Variants in CDH7 observed in about 807,000 individuals in gnomAD.
CDH7 encodes the protein cadherin 7.
Under a neutral mutation model 71.8 loss-of-function variants are expected in CDH7, and 25 were observed. The observed-to-expected ratio is 0.35, with a 90% CI of 0.25 to 0.49. CDH7 has a LOEUF of 0.49. Ranked by LOEUF, CDH7 falls within the 20% of genes least tolerant of loss-of-function variation. The pLI is 0.99. For synonymous variants in CDH7, 381 were observed against 363.8 expected (o/e 1.05, Z -0.54); for missense variants, 862 against 974.6 (o/e 0.88, Z 1.54).
At chr18:65,840,787 T>A (rs376850659) in intron 6 of CDH7, among the ~76,000 whole-genome samples, 2 of 152,324 alleles carry the variant, frequency 1.3e-5, no homozygotes, top group East Asian at 3.9e-4. Context: ...TATGTCTTTA[T>A]CAGCAGTGAG....
Position 65,824,888 on chromosome 18 carries a change from G to A in CDH7, c.981+57G>A, listed in dbSNP as rs73966331. 2,467 of 1,245,370 alleles carry A rather than the reference G, an allele frequency of 2.0e-3. 42 individuals are homozygous for A. In the African/African-American group the frequency reaches 0.033, roughly 17 times the overall value. 77.1% of individuals were successfully genotyped at this position (1,245,370 alleles called of 1,614,324 possible). A position where few individuals can be genotyped will look rare whatever the true frequency, so the allele number is the denominator to read the frequency against. ...GATTACTGAGAAGTCCTTTCTGTTT[G>A]ATGGGAGAATGTACTAGACAAACCG... On this transcript the variant is annotated intron_variant, in intron 6 of 11. Transcript: ENST00000397968.
chr18:65,828,607 G>C (rs947036571), intron 6 of CDH7, among the ~76,000 whole-genome samples: 1 of 151,858 alleles, frequency 6.6e-6, no homozygotes, highest in Non-Finnish European at 1.5e-5. Context: ...TCAACAGTAG[G>C]ATATTAGTAG....
intron 11 of CDH7, among the ~76,000 whole-genome samples, chr18:65,868,273 A>G (rs1054830373): frequency 4.6e-5 from 7 of 152,228 alleles, no homozygotes; most frequent in African/African-American, 1.7e-4. Context: ...GCTAGACATC[A>G]GCCTAAGTGC....
intron 2 of CDH7, among the ~76,000 whole-genome samples, chr18:65,775,220 G>A (rs1333935878): frequency 6.6e-6 from 1 of 152,174 alleles, no homozygotes; most frequent in Non-Finnish European, 1.5e-5. Context: ...TAGAGAGGAA[G>A]TTTAGCCTAG....
intron 5 of CDH7, among the ~76,000 whole-genome samples, chr18:65,823,917 T>C (rs903160025): frequency 6.6e-6 from 1 of 151,924 alleles, no homozygotes; most frequent in Non-Finnish European, 1.5e-5. Flanking sequence ...TTCTGAGTGA[T>C]GTAGTTCATG....
At chr18:65,875,748 G>A (rs1041047435) in intron 11 of CDH7, among the ~76,000 whole-genome samples, 22 of 152,046 alleles carry the variant, frequency 1.4e-4, no homozygotes, top group African/African-American at 5.3e-4. Flanking sequence ...ACCAGCCTGG[G>A]CAATATGGTG....
At chr18:65,750,943 G>C (rs1915852641), upstream of CDH7, 1 of 152,264 alleles carries the variant, frequency 6.6e-6, no homozygotes, top group Non-Finnish European at 1.5e-5. Flanking sequence ...CGCGCACCGC[G>C]GAGTGGGCTG....
rs368665577 is a variant in CDH7, at chr18:65,768,527, A to G, written c.210+5475A>G. On this transcript the variant is annotated intron_variant, in intron 2 of 11. Transcript: ENST00000397968. Reference sequence around the variant, plus strand: ...TATATTAGCTGTGTTTTAACATTGTATTTATATTGAGGTTTTAGGTGCAAA... The same window carrying G: ...TATATTAGCTGTGTTTTAACATTGTGTTTATATTGAGGTTTTAGGTGCAAA... Among the ~76,000 whole-genome samples the G allele has an allele frequency of 1.1e-4, 17 of 152,214 alleles. No homozygotes were observed. In the South Asian group the frequency reaches 3.5e-3, roughly 32 times the overall value.
chr18:65,801,910 C>G (rs1283994266), intron 2 of CDH7, among the ~76,000 whole-genome samples: 2 of 152,138 alleles, frequency 1.3e-5, no homozygotes, highest in Non-Finnish European at 1.5e-5. Context: ...GCAGACAACT[C>G]CAAGAAATAG....
chr18:65,871,093 A>G (rs1392078659), intron 11 of CDH7, among the ~76,000 whole-genome samples: 1 of 152,256 alleles, frequency 6.6e-6, no homozygotes, highest in East Asian at 1.9e-4. Context: ...ACAGGAGGTC[A>G]TCAAAATCAC....
At chr18:65,815,117 G>A (rs1911678575) in intron 4 of CDH7, among the ~76,000 whole-genome samples, 1 of 152,010 alleles carries the variant, frequency 6.6e-6, no homozygotes, top group African/African-American at 2.4e-5. Flanking sequence ...TTAATTTGGG[G>A]GAACAATTTT....
At chr18:65,879,542 T>C (rs1225517914) in intron 11 of CDH7, among the ~76,000 whole-genome samples, 1 of 152,214 alleles carries the variant, frequency 6.6e-6, no homozygotes, top group Non-Finnish European at 1.5e-5. Flanking sequence ...TCAAGGAGCA[T>C]GCAGTCACTC....
chr18:65,763,597 GT>G (rs1247565266), intron 2 of CDH7, among the ~76,000 whole-genome samples: 4 of 49,624 alleles, frequency 8.1e-5, no homozygotes, highest in Non-Finnish European at 1.4e-4. Context: ...ATAGGGGGGT[GT>G]GTGTGTGTGT....
intron 2 of CDH7, among the ~76,000 whole-genome samples, chr18:65,767,446 A>G (rs1160497238): frequency 6.6e-6 from 1 of 152,336 alleles, no homozygotes; most frequent in Middle Eastern, 3.4e-3. Context: ...GTCAATAATG[A>G]ATGCCAAGTA....
intron 11 of CDH7, among the ~76,000 whole-genome samples, chr18:65,871,433 A>G (rs902052816): frequency 1.3e-5 from 2 of 152,194 alleles, no homozygotes; most frequent in Non-Finnish European, 2.9e-5. Flanking sequence ...AGGAAATGGA[A>G]TAACAGGTAT....
chr18:65,778,271 C>CA (rs148841669), intron 2 of CDH7, among the ~76,000 whole-genome samples: 4,377 of 83,966 alleles, frequency 0.052, 611 homozygotes, highest in Non-Finnish European at 0.084. Flanking sequence ...GACTCTGTCT[C>CA]AAAAAAAAAA....
At chr18:65,815,677 G>C (rs1171284234) in intron 4 of CDH7, among the ~76,000 whole-genome samples, 2 of 152,076 alleles carry the variant, frequency 1.3e-5, no homozygotes, top group Non-Finnish European at 2.9e-5. Flanking sequence ...GTAGTGATAG[G>C]GCTTGGAAAC....
At chr18:65,834,962 G>T (rs867763483) in intron 6 of CDH7, among the ~76,000 whole-genome samples, 2 of 152,148 alleles carry the variant, frequency 1.3e-5, no homozygotes, top group East Asian at 1.9e-4. Flanking sequence ...TCATGATTTT[G>T]TGGGTCAGTA....
chr18:65,810,064 A>C, intron 3 of CDH7, 66 bp downstream of exon 3: 12 of 1,354,352 alleles, frequency 8.9e-6, no homozygotes, highest in Non-Finnish European at 1.2e-5. Context: ...TTTAAAATTA[A>C]ATCATCATTA....
Sources: allele counts gnomAD v4.1 joint callset (sites outside exome capture counted in the v4.1 genomes callset), GRCh38; gene constraint gnomAD v4.1.1; transcripts MANE v1.5; gene names NCBI Gene and HGNC (gene_info 2026-07-23, HGNC 2026-07-21).